The following IL1RAPL2 variants were observed in gnomAD, a reference collection of about 807,000 sequenced individuals.
IL1RAPL2 encodes interleukin 1 receptor accessory protein like 2.
In IL1RAPL2, 3 loss-of-function variants were observed where a neutral mutation model predicts 44.1. The ratio of observed to expected loss-of-function variants is 0.07; its 90% CI spans 0.03 to 0.18. The LOEUF is 0.18. Among genes scored for constraint, IL1RAPL2 ranks in the 10% least tolerant of loss-of-function variants. The pLI, the probability that IL1RAPL2 is intolerant of heterozygous loss-of-function variation, is 1.00. For synonymous variants in IL1RAPL2, 181 were observed against 178.8 expected (o/e 1.01, Z -0.10); for missense variants, 391 against 496.4 (o/e 0.79, Z 2.02).
At chrX:105,139,621 C>A (rs1190556772) in intron 2 of IL1RAPL2, among the ~76,000 whole-genome samples, 2 of 111,590 alleles carry the variant, frequency 1.8e-5, no homozygotes, top group African/African-American at 6.5e-5. Flanking sequence ...TTGCTGGCTT[C>A]TCCTTGTGTC....
chrX:105,005,979 A>G (rs1247247246), intron 2 of IL1RAPL2, among the ~76,000 whole-genome samples: 1 of 110,814 alleles, frequency 9.0e-6, no homozygotes, highest in Non-Finnish European at 1.9e-5. Context: ...TTTTGTATAG[A>G]TAAGGGGCAA....
intron 1 of IL1RAPL2, among the ~76,000 whole-genome samples, chrX:104,637,061 T>C (rs1167416184): frequency 9.4e-6 from 1 of 106,797 alleles, no homozygotes; most frequent in East Asian, 2.8e-4. Context: ...TCCTAGGTAG[T>C]TTGGGATTTT....
intron 2 of IL1RAPL2, among the ~76,000 whole-genome samples, chrX:105,185,133 T>C (rs1236100847): frequency 8.9e-6 from 1 of 111,814 alleles, no homozygotes; most frequent in African/African-American, 3.2e-5. Flanking sequence ...ACTAATATCT[T>C]TTTTTCAAGA....
At chrX:104,699,826 C>A (rs1175690568) in intron 2 of IL1RAPL2, among the ~76,000 whole-genome samples, 1 of 112,043 alleles carries the variant, frequency 8.9e-6, no homozygotes, top group South Asian at 3.7e-4. Flanking sequence ...CTTTATAGAA[C>A]AAGTTTGCCA....
chrX:105,193,845 G>A (rs969016573), intron 2 of IL1RAPL2, among the ~76,000 whole-genome samples: 1 of 111,534 alleles, frequency 9.0e-6, no homozygotes, highest in Non-Finnish European at 1.9e-5. Context: ...AATTTAAAGG[G>A]AGTTATTTAT....
chrX:105,498,966 G>C (rs923212053), intron 6 of IL1RAPL2, among the ~76,000 whole-genome samples: 2 of 110,981 alleles, frequency 1.8e-5, no homozygotes, highest in East Asian at 2.9e-4. Flanking sequence ...TCTCATAGGA[G>C]CATGAACCCT....
At chrX:105,290,849 G>C (rs1271361632) in intron 5 of IL1RAPL2, among the ~76,000 whole-genome samples, 1 of 111,270 alleles carries the variant, frequency 9.0e-6, no homozygotes, top group Non-Finnish European at 1.9e-5. Context: ...ACTTACACTT[G>C]ATGGAGATAG....
chrX:104,672,545 C>T (rs754461437), intron 2 of IL1RAPL2, among the ~76,000 whole-genome samples: 22 of 103,083 alleles, frequency 2.1e-4, no homozygotes, highest in East Asian at 1.2e-3. Flanking sequence ...TGAATAATGC[C>T]GCAATAAACA....
At chrX:104,574,805 T>C (rs1334336804) in intron 1 of IL1RAPL2, among the ~76,000 whole-genome samples, 1 of 112,049 alleles carries the variant, frequency 8.9e-6, no homozygotes, top group Non-Finnish European at 1.9e-5. Flanking sequence ...AGAAACACAA[T>C]TCAATTTTTT....
chrX:104,836,353 C>A (rs1921741989), intron 2 of IL1RAPL2, among the ~76,000 whole-genome samples: 1 of 109,937 alleles, frequency 9.1e-6, no homozygotes, highest in Admixed American at 9.8e-5. Context: ...TATTTGATAG[C>A]ATAACAGGGT....
Position 105,000,151 on chromosome X carries a change from A to G in IL1RAPL2, c.83-195324A>G, listed in dbSNP as rs1212197285. Reference sequence around the variant, plus strand: ...ATTTTCATTGTGCTATTCCTTTCATATGGAATATATTCTCTCAACAAGGTA... The same window carrying G: ...ATTTTCATTGTGCTATTCCTTTCATGTGGAATATATTCTCTCAACAAGGTA... On this transcript the variant is annotated intron_variant, in intron 2 of 10. Coordinates refer to ENST00000372582, the MANE Select transcript of IL1RAPL2 (RefSeq NM_017416.2). Among the ~76,000 whole-genome samples, 3 of 111,154 alleles carry G rather than the reference A, an allele frequency of 2.7e-5. No homozygotes were observed. The East Asian group carries it at 8.5e-4, about 32-fold the overall frequency.
chrX:105,347,478 C>A (rs932822832), intron 5 of IL1RAPL2, among the ~76,000 whole-genome samples: 1 of 110,877 alleles, frequency 9.0e-6, no homozygotes, highest in African/African-American at 3.3e-5. Flanking sequence ...AGTAAACACT[C>A]AAAAATAGTG....
intron 2 of IL1RAPL2, among the ~76,000 whole-genome samples, chrX:105,073,614 C>T (rs2147540143): frequency 9.0e-6 from 1 of 111,376 alleles, no homozygotes; most frequent in African/African-American, 3.3e-5. Context: ...CCTGAGGAAT[C>T]ACCACACCGA....
intron 2 of IL1RAPL2, among the ~76,000 whole-genome samples, chrX:104,681,496 T>C (rs1180307491): frequency 1.8e-5 from 2 of 112,334 alleles, no homozygotes; most frequent in African/African-American, 6.5e-5. Flanking sequence ...AGTTTAAAAG[T>C]ACTGCAATTA....
chrX:105,683,282 CT>C (rs1221001210), intron 6 of IL1RAPL2, among the ~76,000 whole-genome samples: 1 of 111,855 alleles, frequency 8.9e-6, no homozygotes, highest in Admixed American at 9.5e-5. Flanking sequence ...CAGTTCATAA[CT>C]TTTCAAACTC....
intron 2 of IL1RAPL2, among the ~76,000 whole-genome samples, chrX:105,091,739 TAGA>T (rs2032545276): frequency 8.9e-6 from 1 of 112,045 alleles, no homozygotes; most frequent in Admixed American, 9.5e-5. Flanking sequence ...TCTTTCTCAT[TAGA>T]AGGTGAGCCC....
At chrX:104,595,703 G>A (rs1199179450) in intron 1 of IL1RAPL2, among the ~76,000 whole-genome samples, 5 of 111,788 alleles carry the variant, frequency 4.5e-5, no homozygotes, top group Non-Finnish European at 9.4e-5. Flanking sequence ...AATAGAGAGA[G>A]TAATTCTTAA....
chrX:104,891,747 C>A (rs773884917), intron 2 of IL1RAPL2, among the ~76,000 whole-genome samples: 2 of 111,771 alleles, frequency 1.8e-5, no homozygotes, highest in East Asian at 5.7e-4. Flanking sequence ...CAAACAAGAA[C>A]AACTTGACTT....
Position 104,989,543 on chromosome X carries a change from TATTATTCC to T in IL1RAPL2, c.83-205931_83-205924del, listed in dbSNP as rs377644606. On this transcript the variant is annotated intron_variant, in intron 2 of 10. Coordinates refer to ENST00000372582, the MANE Select transcript of IL1RAPL2 (RefSeq NM_017416.2). ...GGACTACATCTTCTCAAAGGACAGC[TATTATTCC>T]TATTGTTTACATTCATACAGTCCTC... 1.8e-3 allele frequency among the ~76,000 whole-genome samples: 202 copies of T among 112,157 alleles called. 1 individual carries two copies. Among genetic ancestry groups the T allele is most frequent in the African/African-American group, 6.2e-3 (193 of 30,918 alleles).
Sources: allele counts gnomAD v4.1 joint callset (sites outside exome capture counted in the v4.1 genomes callset), GRCh38; gene constraint gnomAD v4.1.1; transcripts MANE v1.5; gene names NCBI Gene and HGNC (gene_info 2026-07-23, HGNC 2026-07-21).